CENPE: variants seen among roughly 807,000 people sequenced by gnomAD.
CENPE encodes the protein centromere-associated protein E.
A neutral mutation model predicts 336.1 loss-of-function variants in CENPE; 145 were observed. That is an observed-to-expected ratio of 0.43 (90% CI 0.38 to 0.50). CENPE has a LOEUF of 0.50. Ranked by LOEUF, CENPE falls within the 20% of genes least tolerant of loss-of-function variation. The pLI is 0.00. For missense variants in CENPE, 2,719 were observed against 3,023.3 expected (o/e 0.90, Z 2.36); for synonymous variants, 1,013 against 984.8 (o/e 1.03, Z -0.54).
chr4:103,183,191 A>G lies in CENPE; in HGVS notation c.833+10T>C. 1 of 1,602,782 alleles carries G rather than the reference A, an allele frequency of 6.2e-7. No individual in the cohort carries two copies. Among genetic ancestry groups the G allele is most frequent in the Non-Finnish European group, 8.5e-7 (1 of 1,170,892 alleles). On this transcript the variant is annotated intron_variant, in intron 10 of 48. Transcript: ENST00000265148. ...AATCAGTAGGTAAGTGCACAACGGG[A>G]TAAACTTACCCAACTTGTCCATCAC...
chr4:103,144,929 CTT>C, intron 32 of CENPE, 119 bp downstream of exon 32: 2 of 925,980 alleles, frequency 2.2e-6, no homozygotes, highest in African/African-American at 1.7e-5. Flanking sequence ...TTTGATTCCT[CTT>C]TTATTTCCGG....
intron 16 of CENPE, among the ~76,000 whole-genome samples, chr4:103,172,880 A>G (rs1464031378): frequency 6.6e-6 from 1 of 152,050 alleles, no homozygotes; most frequent in Non-Finnish European, 1.5e-5. Context: ...CACAAATGGG[A>G]AGATATGCAT....
intron 37 of CENPE, 22 bp from the exon 38 acceptor site, chr4:103,140,101 G>A (rs1560618017): frequency 1.9e-6 from 3 of 1,579,802 alleles, no homozygotes; most frequent in Admixed American, 1.8e-5. Context: ...TGTAAAACAA[G>A]TTAGAATGTA....
At chr4:103,189,892 C>G (rs888403538) in intron 8 of CENPE, among the ~76,000 whole-genome samples, 3 of 152,042 alleles carry the variant, frequency 2.0e-5, no homozygotes, top group Non-Finnish European at 4.4e-5. Flanking sequence ...TCTAGAAAAC[C>G]CCATCGTCTC....
intron 8 of CENPE, among the ~76,000 whole-genome samples, chr4:103,190,808 C>T (rs1381358027): frequency 6.6e-6 from 1 of 152,034 alleles, no homozygotes; most frequent in Non-Finnish European, 1.5e-5. Flanking sequence ...TCTAAGTAAA[C>T]TAAAGAGCTT....
At position 103,161,406 on chromosome 4, in the gene CENPE, T is replaced by C; in HGVS notation, c.1894A>G (p.Thr632Ala). 3.1e-6 allele frequency: 5 copies of C among 1,612,768 alleles called. No homozygotes were observed. The highest frequency in any genetic ancestry group is 4.2e-6 in the Non-Finnish European group (5 of 1,179,334). ...TCTCTCTTGGCATCAAGGGCTACAG[T>C]TTCAGCATCAAACAGAGTCTGCTTC... ...QMKQTLFDAE[T>A]VALDAKRESA... The change falls in exon 19 of 49, where the codon ACT becomes GCT. Residue 632 changes from threonine (T) to alanine (A), a missense_variant. By Grantham distance (58) the Thr-to-Ala change is moderately conservative. Coordinates refer to ENST00000265148, the MANE Select transcript of CENPE (RefSeq NM_001813.3).
chr4:103,115,821 C>G, intron 45 of CENPE, among the ~76,000 whole-genome samples: 1 of 151,096 alleles, frequency 6.6e-6, no homozygotes, highest in Non-Finnish European at 1.5e-5. Context: ...AGCTCCGCCT[C>G]CCGGGTTCAC....
At chr4:103,114,099 A>G (rs1418219739) in intron 46 of CENPE, among the ~76,000 whole-genome samples, 2 of 152,166 alleles carry the variant, frequency 1.3e-5, no homozygotes, top group Non-Finnish European at 2.9e-5. Context: ...GATGCATACA[A>G]TTAAAATCTA....
At chr4:103,148,740 G>A in intron 28 of CENPE, 104 bp downstream of exon 28, 1 of 1,031,908 alleles carries the variant, frequency 9.7e-7, no homozygotes, top group East Asian at 2.4e-5. Flanking sequence ...TACTTACCCA[G>A]TCAATTAATG....
In CENPE at chr4:103,140,926, A is replaced by C. The variant is rs568221313; in HGVS notation, c.5642T>G (p.Leu1881Arg). 11 of 1,612,052 alleles carry C rather than the reference A, an allele frequency of 6.8e-6. 1 individual carries two copies. In the South Asian group the frequency reaches 9.9e-5, roughly 15 times the overall value. The change falls in exon 36 of 49, where the codon CTT becomes CGT. Residue 1881 changes from leucine to arginine, a missense_variant. Leu to Arg is a moderately radical substitution (Grantham distance 102). Coordinates refer to ENST00000265148, the MANE Select transcript of CENPE (RefSeq NM_001813.3). Reference sequence around the variant, plus strand: ...TTTCATTACAGATTTCATTTCTTCAAGGTTTTCATGAAGTTTCTGAGCCAA... The same window carrying C: ...TTTCATTACAGATTTCATTTCTTCACGGTTTTCATGAAGTTTCTGAGCCAA... The part of the protein sequence containing the change: ...LNLAQKLHEN[L>R]EEMKSVMKER...
At chr4:103,151,123 T>C in intron 26 of CENPE, 96 bp downstream of exon 26, 1 of 1,058,076 alleles carries the variant, frequency 9.5e-7, no homozygotes, top group Non-Finnish European at 1.4e-6. Flanking sequence ...TTGGGAGGTA[T>C]GTGCTATTTC....
chr4:103,160,608 C>T lies in CENPE; in HGVS notation c.2286+17G>A, dbSNP rs770580587. ...TTTATTTCAAAATAAGGGATAAGTG[C>T]TTATAAATGTGTTTACCTCTTTCCT... On this transcript the variant is annotated intron_variant, in intron 21 of 48. Coordinates refer to ENST00000265148, the MANE Select transcript of CENPE (RefSeq NM_001813.3). 6.3e-6 allele frequency: 10 copies of T among 1,591,386 alleles called. No individual in the cohort carries two copies. In the East Asian group the frequency reaches 9.0e-5, roughly 14 times the overall value.
At chr4:103,148,773 A>T (rs1051417565) in intron 28 of CENPE, 71 bp downstream of exon 28, 132 of 1,404,992 alleles carry the variant, frequency 9.4e-5, no homozygotes, top group Non-Finnish European at 1.3e-4. Flanking sequence ...GCTACTTCTT[A>T]CTGCTTATCT....
intron 42 of CENPE, among the ~76,000 whole-genome samples, chr4:103,127,122 CCCCCGA>C (rs1751188392): frequency 7.3e-6 from 1 of 136,998 alleles, no homozygotes; most frequent in African/African-American, 2.7e-5. Context: ...ACCAAAAAAA[CCCCCGA>C]AAAAAAACCC....
intron 8 of CENPE, among the ~76,000 whole-genome samples, chr4:103,190,959 AAAC>A (rs1209366937): frequency 6.6e-6 from 1 of 151,718 alleles, no homozygotes; most frequent in African/African-American, 2.4e-5. Flanking sequence ...AAAAAAAAAC[AAAC>A]AACCACATCG....
intron 42 of CENPE, among the ~76,000 whole-genome samples, chr4:103,129,869 T>C (rs1434149338): frequency 6.6e-6 from 1 of 152,178 alleles, no homozygotes; most frequent in Non-Finnish European, 1.5e-5. Context: ...GCAAGGCTGG[T>C]TTAACATTCA....
In CENPE at chr4:103,157,164, T is replaced by C. The variant is rs138663506; in HGVS notation, c.3033+1136A>G. 4.5e-3 allele frequency among the ~76,000 whole-genome samples: 685 copies of C among 151,858 alleles called. 2 individuals are homozygous for C. The highest frequency in any genetic ancestry group is 0.017 in the Middle Eastern group (5 of 290). On this transcript the variant is annotated intron_variant, in intron 24 of 48. Coordinates refer to ENST00000265148, the MANE Select transcript of CENPE (RefSeq NM_001813.3). ...GGGAAGTAAAATGGTGCAGCTGTTA[T>C]GGAAAACATTATGGTGCTTTCTCAA...
intron 39 of CENPE, among the ~76,000 whole-genome samples, chr4:103,136,990 T>TA (rs1356832388): frequency 2.6e-5 from 4 of 152,230 alleles, no homozygotes; most frequent in African/African-American, 7.2e-5. Context: ...TCAAGTAAAA[T>TA]ATATGATCTA....
chr4:103,142,732 G>A (rs908704879), intron 34 of CENPE, among the ~76,000 whole-genome samples: 1 of 152,048 alleles, frequency 6.6e-6, no homozygotes, highest in African/African-American at 2.4e-5. Context: ...AGTTGAGGCT[G>A]GGCCTGGCGG....
Sources: allele counts gnomAD v4.1 joint callset (sites outside exome capture counted in the v4.1 genomes callset), GRCh38; gene constraint gnomAD v4.1.1; transcripts MANE v1.5; gene names NCBI Gene and HGNC (gene_info 2026-07-23, HGNC 2026-07-21).